Variants in MSRA observed in about 807,000 individuals in gnomAD.
The protein encoded by MSRA is mitochondrial peptide methionine sulfoxide reductase.
A neutral mutation model predicts 31.3 loss-of-function variants in MSRA; 54 were observed. The observed-to-expected ratio is 1.73, with a 90% CI of 1.39 to 2.17. The LOEUF (loss-of-function observed/expected upper bound fraction) is 2.17. MSRA is among the 30% of genes most tolerant of loss of function. The pLI, the probability that MSRA is intolerant of heterozygous loss-of-function variation, is 0.00. For missense variants in MSRA, 507 were observed against 300.9 expected (o/e 1.69, Z -5.07); for synonymous variants, 169 against 116.5 (o/e 1.45, Z -2.90).
intron 1 of MSRA, among the ~76,000 whole-genome samples, chr8:10,082,099 AG>A (rs1402583815): frequency 2.0e-5 from 3 of 152,086 alleles, no homozygotes; most frequent in African/African-American, 7.2e-5. Flanking sequence ...CCAGCTACTT[AG>A]GAGGCTGAGG....
intron 1 of MSRA, among the ~76,000 whole-genome samples, chr8:10,101,984 C>G (rs1327025756): frequency 6.6e-6 from 1 of 152,040 alleles, no homozygotes; most frequent in Non-Finnish European, 1.5e-5. Flanking sequence ...TTTGTGTTTT[C>G]TGATGAGAAA....
chr8:10,237,705 C>T (rs1224849603), intron 2 of MSRA, among the ~76,000 whole-genome samples: 3 of 152,210 alleles, frequency 2.0e-5, no homozygotes, highest in Non-Finnish European at 4.4e-5. Context: ...CCCACTTAAG[C>T]CAGTAATCTT....
chr8:10,220,139 A>G (rs1437198089), intron 2 of MSRA, among the ~76,000 whole-genome samples: 1 of 152,186 alleles, frequency 6.6e-6, no homozygotes, highest in Non-Finnish European at 1.5e-5. Flanking sequence ...TCATTGTATT[A>G]TTCTATGTCC....
chr8:10,340,468 C>G (rs6601439), intron 5 of MSRA, among the ~76,000 whole-genome samples: 131,389 of 152,262 alleles, frequency 0.86, 57,195 homozygotes, highest in South Asian at 0.93. Flanking sequence ...CGCCTCCCGG[C>G]TTCAAGTGAT....
chr8:10,220,851 C>A (rs1810430423), intron 2 of MSRA, among the ~76,000 whole-genome samples: 1 of 152,174 alleles, frequency 6.6e-6, no homozygotes, highest in Admixed American at 6.5e-5. Context: ...ATTCATCTTA[C>A]AAGGACATTA....
At chr8:10,230,502 G>A (rs1388397133) in intron 2 of MSRA, among the ~76,000 whole-genome samples, 1 of 152,160 alleles carries the variant, frequency 6.6e-6, no homozygotes, top group African/African-American at 2.4e-5. Context: ...TAAAAGTAAT[G>A]CATGCTCATT....
intron 1 of MSRA, among the ~76,000 whole-genome samples, chr8:10,132,210 A>C (rs1474825682): frequency 2.6e-5 from 4 of 152,202 alleles, no homozygotes; most frequent in Non-Finnish European, 5.9e-5. Context: ...TGCCCGAGGA[A>C]GTTAATTCTC....
intron 1 of MSRA, among the ~76,000 whole-genome samples, chr8:10,194,449 C>G (rs1807799484): frequency 6.6e-6 from 1 of 152,078 alleles, no homozygotes; most frequent in Non-Finnish European, 1.5e-5. Flanking sequence ...ACCTGTAATC[C>G]CAGCTACTTG....
At chr8:10,284,971 T>A (rs749733052) in intron 3 of MSRA, among the ~76,000 whole-genome samples, 1 of 151,996 alleles carries the variant, frequency 6.6e-6, no homozygotes, top group African/African-American at 2.4e-5. Flanking sequence ...GTGTAGCAAC[T>A]TGAACAAAGA....
intron 3 of MSRA, among the ~76,000 whole-genome samples, chr8:10,250,046 C>T (rs1187964120): frequency 1.3e-5 from 2 of 152,168 alleles, no homozygotes; most frequent in Non-Finnish European, 2.9e-5. Flanking sequence ...TCTCTATAGT[C>T]AAATGAAAGC....
At chr8:10,319,834 C>A in intron 4 of MSRA, 49 bp from the exon 5 acceptor site, 2 of 1,156,776 alleles carry the variant, frequency 1.7e-6, no homozygotes, top group Non-Finnish European at 2.4e-6. Context: ...TTGAGACTGG[C>A]ACTGTCGCCT....
At chr8:10,056,191 C>T (rs982014109) in intron 1 of MSRA, among the ~76,000 whole-genome samples, 4 of 93,862 alleles carry the variant, frequency 4.3e-5, no homozygotes, top group Non-Finnish European at 7.8e-5. Context: ...TATGCCCTCC[C>T]ATACACCAAA....
intron 2 of MSRA, among the ~76,000 whole-genome samples, chr8:10,211,320 C>T (rs999691315): frequency 2.0e-5 from 3 of 152,124 alleles, no homozygotes; most frequent in East Asian, 3.9e-4. Context: ...TTATGTAGCC[C>T]AACAGTTAGT....
intron 5 of MSRA, among the ~76,000 whole-genome samples, chr8:10,348,734 C>G (rs978036968): frequency 6.6e-6 from 1 of 152,114 alleles, no homozygotes; most frequent in African/African-American, 2.4e-5. Context: ...TCTCCTTACT[C>G]ATTAAAACTC....
At chr8:10,131,207 A>G (rs183959150) in intron 1 of MSRA, among the ~76,000 whole-genome samples, 4 of 152,326 alleles carry the variant, frequency 2.6e-5, no homozygotes, top group Non-Finnish European at 5.9e-5. Context: ...TTGCCCTCCA[A>G]TGTAGGAGAA....
intron 1 of MSRA, among the ~76,000 whole-genome samples, chr8:10,085,131 C>T (rs1798492239): frequency 6.6e-6 from 1 of 152,192 alleles, no homozygotes; most frequent in Non-Finnish European, 1.5e-5. Context: ...CTTCGGGCCT[C>T]TGGTAGGTCT....
intron 3 of MSRA, among the ~76,000 whole-genome samples, chr8:10,296,952 C>T (rs947624880): frequency 6.6e-6 from 1 of 152,226 alleles, no homozygotes; most frequent in African/African-American, 2.4e-5. Context: ...GTTCCCTGCT[C>T]TCTTGTTCTT....
At chr8:10,213,838 A>G (rs1039630479) in intron 2 of MSRA, among the ~76,000 whole-genome samples, 3 of 152,138 alleles carry the variant, frequency 2.0e-5, no homozygotes, top group African/African-American at 7.2e-5. Flanking sequence ...TTTTGGGTAC[A>G]TACTCAGCAG....
intron 2 of MSRA, among the ~76,000 whole-genome samples, chr8:10,215,901 C>T (rs1222006828): frequency 6.6e-6 from 1 of 152,126 alleles, no homozygotes; most frequent in Non-Finnish European, 1.5e-5. Flanking sequence ...GCGGACATTT[C>T]TTAAATTTCT....
Sources: allele counts gnomAD v4.1 joint callset (sites outside exome capture counted in the v4.1 genomes callset), GRCh38; gene constraint gnomAD v4.1.1; transcripts MANE v1.5; gene names NCBI Gene and HGNC (gene_info 2026-07-23, HGNC 2026-07-21).